The following NRG3 variants were observed in gnomAD, a reference collection of about 807,000 sequenced individuals.
NRG3 encodes the protein neuregulin 3, also known as pro-neuregulin-3, membrane-bound isoform.
NRG3 carries 31 observed loss-of-function variants against 66.9 expected under a neutral mutation model. That is an observed-to-expected ratio of 0.46 (90% CI 0.35 to 0.63). The LOEUF is 0.63. Ranked by LOEUF, NRG3 falls within the 20% of genes least tolerant of loss-of-function variation. The pLI, the probability that NRG3 is intolerant of heterozygous loss-of-function variation, is 0.00. For missense variants in NRG3, 910 were observed against 878.9 expected (o/e 1.04, Z -0.45); for synonymous variants, 393 against 359.4 (o/e 1.09, Z -1.06).
At chr10:82,031,486 G>A (rs1050229399) in intron 1 of NRG3, among the ~76,000 whole-genome samples, 1 of 151,964 alleles carries the variant, frequency 6.6e-6, no homozygotes, top group Admixed American at 6.6e-5. Context: ...TGCACTTATC[G>A]AATGAAATAG....
intron 3 of NRG3, among the ~76,000 whole-genome samples, chr10:82,792,874 G>T (rs1328048602): frequency 6.6e-6 from 1 of 151,902 alleles, no homozygotes; most frequent in Non-Finnish European, 1.5e-5. Context: ...TAGAGATGGG[G>T]TTTCTCCATG....
intron 1 of NRG3, among the ~76,000 whole-genome samples, chr10:82,009,255 G>A (rs955659660): frequency 4.3e-4 from 66 of 152,132 alleles, no homozygotes; most frequent in African/African-American, 1.5e-3. Context: ...TTCCATAAGC[G>A]TAAGAAAACT....
intron 1 of NRG3, among the ~76,000 whole-genome samples, chr10:81,937,814 C>G (rs528235801): frequency 6.6e-6 from 1 of 152,016 alleles, no homozygotes; most frequent in African/African-American, 2.4e-5. Flanking sequence ...CAAGAAATAT[C>G]GCCAAATCTA....
At chr10:82,446,965 A>G (rs188732083) in intron 2 of NRG3, among the ~76,000 whole-genome samples, 2 of 152,310 alleles carry the variant, frequency 1.3e-5, no homozygotes, top group Non-Finnish European at 2.9e-5. Flanking sequence ...ATGGTATGTC[A>G]TTAGACAGAA....
chr10:82,917,978 A>ATATATATG (rs1327170987), intron 4 of NRG3, among the ~76,000 whole-genome samples: 2 of 118,088 alleles, frequency 1.7e-5, no homozygotes, highest in Non-Finnish European at 3.7e-5. Context: ...GTGTATATAT[A>ATATATATG]TATATATATA....
intron 3 of NRG3, among the ~76,000 whole-genome samples, chr10:82,803,545 T>TA (rs1175238613): frequency 6.6e-6 from 1 of 152,020 alleles, no homozygotes; most frequent in Non-Finnish European, 1.5e-5. Context: ...TTTTTCACCT[T>TA]AAAGAGTTTC....
intron 1 of NRG3, among the ~76,000 whole-genome samples, chr10:82,244,758 G>A (rs2077160426): frequency 6.6e-6 from 1 of 152,066 alleles, no homozygotes; most frequent in African/African-American, 2.4e-5. Context: ...ATTGGAGACA[G>A]AGTCTTGCTC....
At chr10:82,815,878 C>A (rs1644029416) in intron 3 of NRG3, among the ~76,000 whole-genome samples, 1 of 152,190 alleles carries the variant, frequency 6.6e-6, no homozygotes, top group South Asian at 2.1e-4. Flanking sequence ...AGCCACTGTG[C>A]ACTGGCTAGG....
chr10:82,279,765 A>G (rs1194346427), intron 1 of NRG3, among the ~76,000 whole-genome samples: 2 of 152,192 alleles, frequency 1.3e-5, no homozygotes, highest in Non-Finnish European at 2.9e-5. Flanking sequence ...GTGATTGATG[A>G]ATTATAATTA....
intron 1 of NRG3, among the ~76,000 whole-genome samples, chr10:81,878,353 T>A (rs1045104859): frequency 2.6e-5 from 4 of 152,226 alleles, no homozygotes; most frequent in Non-Finnish European, 4.4e-5. Flanking sequence ...AAAATCCAGC[T>A]GAAATTGACC....
chr10:82,519,968 T>C (rs762926999), intron 2 of NRG3, among the ~76,000 whole-genome samples: 1 of 152,048 alleles, frequency 6.6e-6, no homozygotes, highest in Non-Finnish European at 1.5e-5. Flanking sequence ...GCAACAGAAA[T>C]TTTGGAAGAA....
At chr10:82,947,054 G>A (rs1209870624) in intron 4 of NRG3, among the ~76,000 whole-genome samples, 2 of 152,042 alleles carry the variant, frequency 1.3e-5, no homozygotes, top group Admixed American at 6.5e-5. Flanking sequence ...TAATTGAGAC[G>A]ATTAACATGT....
intron 2 of NRG3, among the ~76,000 whole-genome samples, chr10:82,377,759 G>C (rs1564854798): frequency 1.3e-5 from 2 of 152,194 alleles, no homozygotes; most frequent in Admixed American, 6.5e-5. Context: ...AAGTGAATCA[G>C]GCTTTCCTGG....
intron 1 of NRG3, among the ~76,000 whole-genome samples, chr10:81,972,289 C>G (rs1215845004): frequency 6.6e-6 from 1 of 152,080 alleles, no homozygotes; most frequent in Middle Eastern, 3.4e-3. Flanking sequence ...ATTCACAATG[C>G]CTAGCACCCA....
chr10:82,177,182 T>C lies in NRG3; in HGVS notation c.824-181557T>C, dbSNP rs116224789. 9.9e-3 allele frequency among the ~76,000 whole-genome samples: 1,499 copies of C among 152,180 alleles called. 24 individuals carry two copies. Among genetic ancestry groups the C allele is most frequent in the African/African-American group, 0.034 (1,430 of 41,526 alleles). On this transcript the variant is annotated intron_variant, in intron 1 of 8. Coordinates refer to ENST00000372141, the MANE Select transcript of NRG3 (RefSeq NM_001010848.4). The stretch of plus-strand genomic sequence containing the variant: ...TACTATCATTTTTCAATTTAGACTT[T>C]TATTGTTTCCCTTTATTACATTTAC...
At chr10:82,912,090 C>T (rs927835336) in intron 4 of NRG3, among the ~76,000 whole-genome samples, 2 of 151,592 alleles carry the variant, frequency 1.3e-5, no homozygotes, top group Non-Finnish European at 2.9e-5. Context: ...GTTTTGTGAC[C>T]CAGAATTTGG....
At chr10:82,574,821 C>T (rs2045940857) in intron 2 of NRG3, among the ~76,000 whole-genome samples, 1 of 151,622 alleles carries the variant, frequency 6.6e-6, no homozygotes, top group African/African-American at 2.4e-5. Context: ...ATGAAATAAG[C>T]CAGGCACAGA....
At chr10:82,850,205 A>G (rs766582858) in intron 3 of NRG3, among the ~76,000 whole-genome samples, 1 of 152,168 alleles carries the variant, frequency 6.6e-6, no homozygotes, top group African/African-American at 2.4e-5. Flanking sequence ...CTTAGAGGGG[A>G]CATTGAATAT....
chr10:82,707,068 AC>A (rs1460034221), intron 2 of NRG3, among the ~76,000 whole-genome samples: 50 of 148,532 alleles, frequency 3.4e-4, no homozygotes, highest in African/African-American at 1.1e-3. Flanking sequence ...TAAAAAATAA[AC>A]TATATTAAGA....
Sources: allele counts gnomAD v4.1 joint callset (sites outside exome capture counted in the v4.1 genomes callset), GRCh38; gene constraint gnomAD v4.1.1; transcripts MANE v1.5; gene names NCBI Gene and HGNC (gene_info 2026-07-23, HGNC 2026-07-21).